Variants in CLASP1 observed in about 807,000 individuals in gnomAD.
CLASP1 encodes cytoplasmic linker associated protein 1.
In CLASP1, 38 loss-of-function variants were observed where a neutral mutation model predicts 192.3. The observed-to-expected ratio is 0.20, with a 90% confidence interval of 0.15 to 0.26. CLASP1 has a LOEUF of 0.26. Ranked by LOEUF, CLASP1 falls within the 10% of genes least tolerant of loss-of-function variation. CLASP1 has a pLI of 1.00. For missense variants in CLASP1, 1,433 were observed against 1,932.5 expected, an observed-to-expected ratio of 0.74 and a Z score of 4.85; for synonymous variants, 691 against 712.8, an observed-to-expected ratio of 0.97 and a Z score of 0.49.
In CLASP1 at chr2:121,596,679, C is replaced by T. The variant is rs143421386; in HGVS notation, c.195+9022G>A. Among the ~76,000 whole-genome samples the T allele has an allele frequency of 2.0e-3, 311 of 152,296 alleles. 1 individual carries two copies. Among genetic ancestry groups the T allele is most frequent in the African/African-American group, 7.2e-3 (298 of 41,556 alleles). On this transcript the variant is annotated intron_variant, in intron 2 of 39. Coordinates refer to ENST00000263710, the Ensembl canonical transcript of CLASP1. ...GGGAGAAACAGGAAAGGAAGAGAGA[C>T]TTTCTCAGAACCCTCTGCAGCTTAC...
At chr2:121,637,563 A>G (rs1259693621) in intron 1 of CLASP1, among the ~76,000 whole-genome samples, 1 of 152,198 alleles carries the variant, frequency 6.6e-6, no homozygotes, top group Non-Finnish European at 1.5e-5. Context: ...AAATTCTTAT[A>G]TATGCTAACA....
chr2:121,477,736 T>C (rs550992714), intron 8 of CLASP1, among the ~76,000 whole-genome samples: 1 of 152,322 alleles, frequency 6.6e-6, no homozygotes, highest in Admixed American at 6.5e-5. Context: ...TATTGAATTG[T>C]TTTCAATTTT....
At chr2:121,415,694 C>A (rs1358384624) in intron 23 of CLASP1, among the ~76,000 whole-genome samples, 1 of 152,112 alleles carries the variant, frequency 6.6e-6, no homozygotes, top group Non-Finnish European at 1.5e-5. Context: ...AGTGATTATA[C>A]CACAGAAAAT....
chr2:121,519,636 G>A (rs928533038), intron 6 of CLASP1, among the ~76,000 whole-genome samples: 1 of 152,296 alleles, frequency 6.6e-6, no homozygotes, highest in Middle Eastern at 3.4e-3. Flanking sequence ...GTGACCTATA[G>A]TTTGTATCTA....
intron 2 of CLASP1, among the ~76,000 whole-genome samples, chr2:121,567,688 T>A (rs1233205152): frequency 6.6e-6 from 1 of 152,214 alleles, no homozygotes; most frequent in Non-Finnish European, 1.5e-5. Flanking sequence ...TATCTTCACA[T>A]ACACACAAAC....
chr2:121,418,574 C>T, intron 23 of CLASP1, 48 bp downstream of exon 23: 1 of 1,305,556 alleles, frequency 7.7e-7, no homozygotes, highest in Non-Finnish European at 1.1e-6. Flanking sequence ...CTCGGACAAG[C>T]AGGGAAAGGA....
At position 121,418,610 on chromosome 2, in the gene CLASP1, A is replaced by G. The variant is rs772536118; in HGVS notation, c.2320+12T>C. 7 of 1,596,298 alleles carry G rather than the reference A, an allele frequency of 4.4e-6. No homozygotes were observed. The highest frequency in any genetic ancestry group is 3.3e-5 in the Admixed American group (2 of 60,008). ...ACTCTTTGCTCCTCAGCCAGCACCT[A>G]CGTGTACTCACCAAGTGGAGGAAAG... On this transcript the variant is annotated intron_variant, in intron 23 of 39. Transcript: ENST00000263710.
At chr2:121,589,913 T>C (rs2062188819) in intron 2 of CLASP1, among the ~76,000 whole-genome samples, 1 of 152,144 alleles carries the variant, frequency 6.6e-6, no homozygotes, top group Admixed American at 6.5e-5. Context: ...TGAACATCGT[T>C]GAGGTATCAG....
chr2:121,451,131 G>C, intron 15 of CLASP1, 141 bp from the exon 16 acceptor site: 1 of 626,082 alleles, frequency 1.6e-6, no homozygotes, highest in Admixed American at 3.0e-5. Context: ...CCACGTGGCT[G>C]GGCAAAGCAC....
chr2:121,492,391 A>G (rs1236612545), intron 8 of CLASP1, among the ~76,000 whole-genome samples: 1 of 105,760 alleles, frequency 9.5e-6, no homozygotes, highest in Non-Finnish European at 2.2e-5. Flanking sequence ...TCCCTCTCCA[A>G]AAAAAAAAAA....
At chr2:121,516,846 G>A (rs888786482) in intron 6 of CLASP1, among the ~76,000 whole-genome samples, 2 of 151,870 alleles carry the variant, frequency 1.3e-5, no homozygotes, top group Non-Finnish European at 2.9e-5. Flanking sequence ...GGCCAACATG[G>A]TGAAACCTTG....
Position 121,514,513 on chromosome 2 carries a change from A to C in CLASP1, c.644+1152T>G, listed in dbSNP as rs147954598. Among the ~76,000 whole-genome samples the C allele has an allele frequency of 2.2e-3, 340 of 152,288 alleles. 2 individuals are homozygous for C. Among genetic ancestry groups the C allele is most frequent in the East Asian group, 8.9e-3 (46 of 5,188 alleles). ...CACAAAACACAGGAACTTAAAAAAA[A>C]AAAACAAAACAAAAAAAACTATTAT... On this transcript the variant is annotated intron_variant, in intron 7 of 39. Coordinates refer to ENST00000263710, the Ensembl canonical transcript of CLASP1.
intron 19 of CLASP1, among the ~76,000 whole-genome samples, chr2:121,441,433 G>T (rs995652770): frequency 1.3e-5 from 2 of 152,082 alleles, no homozygotes; most frequent in Admixed American, 1.3e-4. Context: ...CTCCCCAAAA[G>T]AATAATTTCC....
chr2:121,409,350 C>G (rs1005755133), intron 24 of CLASP1, among the ~76,000 whole-genome samples: 1 of 152,146 alleles, frequency 6.6e-6, no homozygotes, highest in African/African-American at 2.4e-5. Flanking sequence ...ACTATCTATT[C>G]CTCTGAGACA....
intron 28 of CLASP1, among the ~76,000 whole-genome samples, chr2:121,399,098 C>A (rs1407458438): frequency 6.6e-6 from 1 of 152,204 alleles, no homozygotes; most frequent in Non-Finnish European, 1.5e-5. Flanking sequence ...AGGCAAATAT[C>A]TACACTGCTT....
intron 2 of CLASP1, among the ~76,000 whole-genome samples, chr2:121,594,827 TA>T (rs2062933080): frequency 6.6e-6 from 1 of 152,158 alleles, no homozygotes; most frequent in Admixed American, 6.5e-5. Flanking sequence ...ATGATTACAA[TA>T]AGCATAATAA....
exon 30 of CLASP1, chr2:121,397,233 A>C: frequency 6.2e-7 from 1 of 1,613,920 alleles, no homozygotes; most frequent in Non-Finnish European, 8.5e-7. Context: ...AATCTGTTGG[A>C]TCCATCTGTC....
intron 2 of CLASP1, among the ~76,000 whole-genome samples, chr2:121,558,527 C>T (rs1471789680): frequency 6.6e-6 from 1 of 152,116 alleles, no homozygotes; most frequent in African/African-American, 2.4e-5. Flanking sequence ...GGGAGTGGAA[C>T]TAGTGGCTTT....
At chr2:121,475,561 A>G (rs2091493388) in intron 8 of CLASP1, among the ~76,000 whole-genome samples, 1 of 152,182 alleles carries the variant, frequency 6.6e-6, no homozygotes, top group African/African-American at 2.4e-5. Context: ...AAATTAACCC[A>G]TACTGAACTC....
Sources: gnomAD v4.1 joint callset for allele counts (sites outside exome capture counted in the v4.1 genomes callset) on GRCh38, gnomAD v4.1.1 for gene constraint, MANE v1.5 for transcripts, NCBI Gene and HGNC (gene_info 2026-07-23, HGNC 2026-07-21) for gene names.